NELL1: variants seen among roughly 807,000 people sequenced by gnomAD.
The protein encoded by NELL1 is protein kinase C-binding protein NELL1.
NELL1 carries 76 observed loss-of-function variants against 107.4 expected under a neutral mutation model. The ratio of observed to expected loss-of-function variants is 0.71; its 90% CI spans 0.59 to 0.86. NELL1 has a LOEUF of 0.86. Among genes scored for constraint, NELL1 ranks in the 40% least tolerant of loss-of-function variants. The probability of loss-of-function intolerance (pLI) is 0.00; values close to 1 mark genes in which losing one functional copy is unlikely to be tolerated. For synonymous variants in NELL1, 353 were observed against 341.2 expected (o/e 1.03, Z -0.38); for missense variants, 1,024 against 1,005.5 (o/e 1.02, Z -0.25).
chr11:21,550,872 G>C (rs953404631), intron 16 of NELL1, among the ~76,000 whole-genome samples: 91 of 151,538 alleles, frequency 6.0e-4, no homozygotes, highest in African/African-American at 1.9e-3. Context: ...TTCCAATTCT[G>C]TGAAGAAAGT....
chr11:20,841,766 A>ATTTT (rs538330114), intron 3 of NELL1, among the ~76,000 whole-genome samples: 4,522 of 152,154 alleles, frequency 0.03, 85 homozygotes, highest in Middle Eastern at 0.054. Context: ...ACACTCTAAG[A>ATTTT]GCCTTTTGAG....
At chr11:20,928,284 A>G in intron 8 of NELL1, 93 bp from the exon 9 acceptor site, 4 of 1,137,886 alleles carry the variant, frequency 3.5e-6, no homozygotes, top group Non-Finnish European at 5.4e-6. Flanking sequence ...TGTTTCCCTG[A>G]TGAGGTTTCT....
chr11:21,264,767 G>A (rs562026753), intron 14 of NELL1, among the ~76,000 whole-genome samples: 28 of 151,912 alleles, frequency 1.8e-4, no homozygotes, highest in South Asian at 4.2e-4. Context: ...GTGTGTGTGC[G>A]TGCGTGTGTT....
At chr11:21,239,303 G>A (rs1590762302) in intron 14 of NELL1, among the ~76,000 whole-genome samples, 2 of 151,930 alleles carry the variant, frequency 1.3e-5, no homozygotes, top group African/African-American at 4.8e-5. Flanking sequence ...TTTAACATAT[G>A]TTGTATACAT....
At chr11:21,224,142 G>A (rs552827784) in intron 13 of NELL1, among the ~76,000 whole-genome samples, 1 of 152,256 alleles carries the variant, frequency 6.6e-6, no homozygotes, top group South Asian at 2.1e-4. Context: ...CCTTGGCAAG[G>A]ACCTTCTTGG....
intron 13 of NELL1, among the ~76,000 whole-genome samples, chr11:21,174,609 A>G (rs961825748): frequency 1.1e-4 from 16 of 151,928 alleles, no homozygotes; most frequent in African/African-American, 3.6e-4. Context: ...ATGGAAGGAC[A>G]TGTGGGAGTA....
At chr11:21,382,780 A>C (rs1590886236) in intron 15 of NELL1, among the ~76,000 whole-genome samples, 2 of 151,914 alleles carry the variant, frequency 1.3e-5, no homozygotes, top group African/African-American at 4.8e-5. Context: ...TAATGCAGAA[A>C]ATAATTCTTG....
intron 2 of NELL1, among the ~76,000 whole-genome samples, chr11:20,746,373 T>G (rs552550573): frequency 5.3e-5 from 8 of 152,286 alleles, no homozygotes; most frequent in African/African-American, 1.9e-4. Flanking sequence ...TTCAAATCCT[T>G]CTCCCCACTT....
chr11:20,819,046 A>G (rs545952757), intron 3 of NELL1, among the ~76,000 whole-genome samples: 19 of 152,334 alleles, frequency 1.2e-4, no homozygotes, highest in Middle Eastern at 6.8e-3. Flanking sequence ...AAACCCAGGT[A>G]TCTGGCTCCT....
intron 13 of NELL1, among the ~76,000 whole-genome samples, chr11:21,132,779 G>T (rs1285890167): frequency 6.6e-6 from 1 of 152,084 alleles, no homozygotes; most frequent in Non-Finnish European, 1.5e-5. Flanking sequence ...GCAGTGGGGT[G>T]GGGGAGGGGA....
At chr11:20,739,249 AG>A (rs1264472649) in intron 2 of NELL1, among the ~76,000 whole-genome samples, 2 of 152,178 alleles carry the variant, frequency 1.3e-5, no homozygotes, top group Non-Finnish European at 2.9e-5. Flanking sequence ...AGCACCTTCC[AG>A]GGCCCGTTGA....
intron 12 of NELL1, among the ~76,000 whole-genome samples, chr11:20,967,663 C>T (rs1404718704): frequency 1.3e-5 from 2 of 152,178 alleles, no homozygotes; most frequent in African/African-American, 4.8e-5. Context: ...GCTGTCTTCA[C>T]CACTACCACC....
intron 15 of NELL1, among the ~76,000 whole-genome samples, chr11:21,529,583 G>A (rs533963301): frequency 3.9e-4 from 60 of 152,116 alleles, no homozygotes; most frequent in Non-Finnish European, 7.1e-4. Flanking sequence ...AAATCTTTAT[G>A]AGGCATGTAT....
intron 15 of NELL1, among the ~76,000 whole-genome samples, chr11:21,431,634 C>T (rs186053259): frequency 2.6e-5 from 4 of 152,256 alleles, no homozygotes; most frequent in African/African-American, 9.6e-5. Flanking sequence ...TTAATGTATC[C>T]ATACACTACC....
At chr11:21,284,078 G>T in intron 14 of NELL1, 4 of 373,716 alleles carry the variant, frequency 1.1e-5, no homozygotes, top group Non-Finnish European at 2.1e-5. Flanking sequence ...CTCACATGAA[G>T]AGGAAATTCA....
At chr11:21,178,877 C>G (rs368286724) in intron 13 of NELL1, among the ~76,000 whole-genome samples, 1 of 151,434 alleles carries the variant, frequency 6.6e-6, no homozygotes, top group East Asian at 1.9e-4. Flanking sequence ...TATGATTAGA[C>G]AAAAACTGGA....
intron 12 of NELL1, among the ~76,000 whole-genome samples, chr11:20,990,795 A>C (rs1851955240): frequency 6.6e-6 from 1 of 152,110 alleles, no homozygotes; most frequent in African/African-American, 2.4e-5. Flanking sequence ...TTGTTTTTTT[A>C]ACTTTCTTTA....
chr11:20,675,640 G>A (rs1351876492), intron 1 of NELL1, among the ~76,000 whole-genome samples: 1 of 152,082 alleles, frequency 6.6e-6, no homozygotes, highest in Admixed American at 6.6e-5. Flanking sequence ...TTTAATTTCT[G>A]CCCTTAAGCA....
intron 2 of NELL1, among the ~76,000 whole-genome samples, chr11:20,712,480 A>G (rs146686712): frequency 1.2e-4 from 19 of 152,204 alleles, no homozygotes; most frequent in African/African-American, 4.6e-4. Context: ...TTATCTGACA[A>G]TTCAGATTTC....
Sources: gnomAD v4.1 joint callset for allele counts (sites outside exome capture counted in the v4.1 genomes callset) on GRCh38, gnomAD v4.1.1 for gene constraint, MANE v1.5 for transcripts, NCBI Gene and HGNC (gene_info 2026-07-23, HGNC 2026-07-21) for gene names.